Variants in ULBP3 observed in about 807,000 individuals in gnomAD.
ULBP3 encodes UL16 binding protein 3.
ULBP3 carries 25 observed loss-of-function variants against 24.9 expected under a neutral mutation model. That is an observed-to-expected ratio of 1.00 (90% CI 0.73 to 1.40). The LOEUF (loss-of-function observed/expected upper bound fraction) is 1.40. Ranked by LOEUF, ULBP3 falls within the 40% of genes most tolerant of loss-of-function variation. The probability of loss-of-function intolerance (pLI) is 0.00; values close to 1 mark genes in which losing one functional copy is unlikely to be tolerated. For synonymous variants in ULBP3, 114 were observed against 114.7 expected (o/e 0.99, Z 0.04); for missense variants, 306 against 307.5 (o/e 1.00, Z 0.04).
At chr6:150,064,550 GTC>G (rs540380088) in intron 4 of ULBP3, 33 bp downstream of exon 4, 12 of 1,578,138 alleles carry the variant, frequency 7.6e-6, no homozygotes, top group Non-Finnish European at 1.0e-5. Context: ...TCACCCATCT[GTC>G]TCTCGTTCCC....
rs1370575095 is a variant in ULBP3, at chr6:150,063,132, A to C, written c.*242T>G. The C allele has an allele frequency of 6.5e-6, 1 of 152,894 alleles. No homozygotes were observed. 9.5% of individuals were successfully genotyped at this position (152,894 alleles called of 1,614,324 possible). On this transcript the variant is annotated 3_prime_UTR_variant, in exon 5 of 5. Transcript: ENST00000367339. ...TCAAAAAAAAAAAAAAACAAAAAAA[A>C]AAAAAGAAAAATGGCTGCTGGGATC...
chr6:150,065,245 ACACT>A, intron 3 of ULBP3, among the ~76,000 whole-genome samples, 149 bp downstream of exon 3: 1 of 152,060 alleles, frequency 6.6e-6, no homozygotes, highest in Non-Finnish European at 1.5e-5. Context: ...TCATGTTCTT[ACACT>A]CACTCAAACA....
At chr6:150,067,933 T>C (rs917484349) in intron 1 of ULBP3, among the ~76,000 whole-genome samples, 3 of 152,174 alleles carry the variant, frequency 2.0e-5, no homozygotes, top group African/African-American at 7.2e-5. Flanking sequence ...CCTGTGGAGA[T>C]GGGCCTCCAG....
rs925077360 is a variant in ULBP3, at chr6:150,062,070, GTTT to G, written c.*1301_*1303del. 6.6e-6 allele frequency among the ~76,000 whole-genome samples: 1 copy of G among 152,016 alleles called. No homozygotes were observed. The highest frequency in any genetic ancestry group is 1.5e-5 in the Non-Finnish European group (1 of 68,000). The stretch of plus-strand genomic sequence containing the variant: ...ATGTCTTTGCACATTTTTTAATTGG[GTTT>G]TTTTTTCTTGCTTGTCTAATTGTTT... On this transcript the variant is annotated 3_prime_UTR_variant, in exon 5 of 5. Coordinates refer to ENST00000367339, the MANE Select transcript of ULBP3 (RefSeq NM_024518.3).
intron 2 of ULBP3, 100 bp from the exon 3 acceptor site, chr6:150,065,773 T>A: frequency 1.3e-6 from 2 of 1,578,306 alleles, no homozygotes; most frequent in Non-Finnish European, 1.7e-6. Flanking sequence ...TCCTGTTGTC[T>A]CCTCCAAGTC....
intron 3 of ULBP3, 84 bp downstream of exon 3, chr6:150,065,314 C>T (rs1776329127): frequency 3.8e-6 from 6 of 1,567,170 alleles, no homozygotes; most frequent in Non-Finnish European, 4.3e-6. Context: ...CATACACCCA[C>T]ACCCACCATA....
chr6:150,065,916 T>A lies in ULBP3; in HGVS notation c.335A>T (p.Glu112Val), dbSNP rs201893141. Reference sequence around the variant, plus strand: ...TCACTCACCACTGGGTGTGAAATCCTCCAGCTCAGTGTCAGCCAGTTCCAG... The same window carrying A: ...TCACTCACCACTGGGTGTGAAATCCACCAGCTCAGTGTCAGCCAGTTCCAG... ...LRLELADTELEDFTPSGPLTL... is the reference protein window; with the variant it reads ...LRLELADTELVDFTPSGPLTL... Residue 112 changes from glutamate to valine, a missense_variant, in exon 2 of 5, where the codon GAG becomes GTG. Glu to Val is a moderately radical substitution (Grantham distance 121). Coordinates refer to ENST00000367339, the MANE Select transcript of ULBP3 (RefSeq NM_024518.3). The A allele has an allele frequency of 3.2e-5, 52 of 1,614,090 alleles. No homozygotes were observed. Among genetic ancestry groups the A allele is most frequent in the Admixed American group, 1.8e-4 (11 of 60,002 alleles).
chr6:150,065,732 ATCC>A (rs1336190903), intron 2 of ULBP3, 59 bp from the exon 3 acceptor site: 8 of 1,598,300 alleles, frequency 5.0e-6, no homozygotes, highest in Non-Finnish European at 6.0e-6. Flanking sequence ...CCTGTCCCAC[ATCC>A]TCCTATGCTG....
At position 150,066,024 on chromosome 6, in the gene ULBP3, C is replaced by T. The variant is rs369161228; in HGVS notation, c.227G>A (p.Gly76Asp). 6 of 1,614,086 alleles carry T rather than the reference C, an allele frequency of 3.7e-6. No individual in the cohort carries two copies. The African/African-American group carries it at 5.3e-5, about 14-fold the overall frequency. The part of the protein sequence containing the change: ...DCGSDKVLSM[G>D]HLEEQLYATD... ...GGCATACAGCTGCTCTTCTAGGTGA[C>T]CCATAGATAAGACCTTGTCACTGCC... is the stretch of plus-strand genomic sequence containing the variant. Residue 76 changes from glycine to aspartate, a missense_variant, in exon 2 of 5, where the codon GGT (glycine) becomes GAT (aspartate). Gly to Asp is a moderately conservative substitution (Grantham distance 94, BLOSUM62 -1). Transcript: ENST00000367339.
chr6:150,065,892 C>T lies in ULBP3; in HGVS notation c.352+7G>A. The T allele has an allele frequency of 6.2e-7, 1 of 1,613,984 alleles. No individual in the cohort carries two copies. ...GCTCCCTTCTGTCCTTGGTCTCTTT[C>T]ACTCACCACTGGGTGTGAAATCCTC... On this transcript the variant is annotated splice_region_variant and intron_variant, in intron 2 of 4. Coordinates refer to ENST00000367339, the MANE Select transcript of ULBP3 (RefSeq NM_024518.3).
chr6:150,066,304 G>T, intron 1 of ULBP3, 142 bp from the exon 2 acceptor site: 1 of 948,670 alleles, frequency 1.1e-6, no homozygotes, highest in South Asian at 1.7e-5. Context: ...TGCCTGTGGA[G>T]GAACCATGGG....
intron 1 of ULBP3, among the ~76,000 whole-genome samples, chr6:150,067,478 T>C (rs930320821): frequency 1.3e-5 from 2 of 152,212 alleles, no homozygotes; most frequent in South Asian, 4.1e-4. Context: ...ATGAGGTGCA[T>C]TTGGGGCAAA....
Position 150,069,118 on chromosome 6 carries a change from G to C in ULBP3, c.-52C>G. The C allele has an allele frequency of 6.3e-7, 1 of 1,574,892 alleles. No individual in the cohort carries two copies. Among genetic ancestry groups the C allele is most frequent in the Non-Finnish European group, 8.6e-7 (1 of 1,158,314 alleles). On this transcript the variant is annotated 5_prime_UTR_variant, in exon 1 of 5. Transcript: ENST00000367339. ...AGGCGCAGTCGATGTGGAGACCAGC[G>C]TATGAATCACTTCGGCCCTCGCATG...
At position 150,062,357 on chromosome 6, in the gene ULBP3, T is replaced by C. The variant is rs969124939; in HGVS notation, c.*1017A>G. Among the ~76,000 whole-genome samples, 1 of 152,174 alleles carries C rather than the reference T, an allele frequency of 6.6e-6. No individual in the cohort carries two copies. Among genetic ancestry groups the C allele is most frequent in the African/African-American group, 2.4e-5 (1 of 41,426 alleles). ...ATATTCCAGGATTTTCACAGTTTTATTACCTGCGCAACATAGGAAGACCCA... is the reference window on the plus strand; with the variant it reads ...ATATTCCAGGATTTTCACAGTTTTACTACCTGCGCAACATAGGAAGACCCA... On this transcript the variant is annotated 3_prime_UTR_variant, in exon 5 of 5. Transcript: ENST00000367339.
Position 150,066,178 on chromosome 6 carries a change from A to C in ULBP3, c.89-16T>G, listed in dbSNP as rs746343697. The C allele has an allele frequency of 9.3e-6, 15 of 1,609,746 alleles. No individual in the cohort carries two copies. Among genetic ancestry groups the C allele is most frequent in the Middle Eastern group, 1.6e-4 (1 of 6,068 alleles). Reference sequence around the variant, plus strand: ...GAGTGAGCGTCTAAGGAAAAAAAAAAAAAACACCAGAGAGTGTTGGGGTGG... The same window carrying C: ...GAGTGAGCGTCTAAGGAAAAAAAAACAAAACACCAGAGAGTGTTGGGGTGG... On this transcript the variant is annotated splice_polypyrimidine_tract_variant and intron_variant, in intron 1 of 4. Transcript: ENST00000367339.
intron 1 of ULBP3, among the ~76,000 whole-genome samples, chr6:150,068,248 G>A (rs778229887): frequency 2.4e-4 from 36 of 152,110 alleles, no homozygotes; most frequent in Non-Finnish European, 4.4e-4. Context: ...AGTAGGCCCC[G>A]AACCATGGGA....
intron 3 of ULBP3, among the ~76,000 whole-genome samples, chr6:150,065,043 C>A (rs2114791437): frequency 6.6e-6 from 1 of 152,188 alleles, no homozygotes; most frequent in African/African-American, 2.4e-5. Flanking sequence ...AGAAACAAAC[C>A]AAGGGAGAGG....
At chr6:150,065,698 C>A (rs758043059) in intron 2 of ULBP3, 25 bp from the exon 3 acceptor site, 21 of 1,611,226 alleles carry the variant, frequency 1.3e-5, no homozygotes, top group Non-Finnish European at 1.8e-5. Context: ...AAGAGATCAG[C>A]CCTGGTGTTT....
chr6:150,067,144 A>C (rs1169220905), intron 1 of ULBP3, among the ~76,000 whole-genome samples: 2 of 152,160 alleles, frequency 1.3e-5, no homozygotes, highest in Non-Finnish European at 2.9e-5. Context: ...TACCACAAAG[A>C]CAAAATGCAA....
Sources: allele counts gnomAD v4.1 joint callset (sites outside exome capture counted in the v4.1 genomes callset), GRCh38; gene constraint gnomAD v4.1.1; transcripts MANE v1.5; gene names NCBI Gene and HGNC (gene_info 2026-07-23, HGNC 2026-07-21).